The following CALB2 variants were observed in gnomAD, a reference collection of about 807,000 sequenced individuals.
CALB2 encodes calbindin 2.
CALB2 carries 34 observed loss-of-function variants against 45.9 expected under a neutral mutation model. That is an observed-to-expected ratio of 0.74 (90% confidence interval 0.56 to 0.99). The LOEUF (loss-of-function observed/expected upper bound fraction) is 0.99, where lower values mean the gene tolerates loss of function less well. Ranked by LOEUF, CALB2 falls within the 50% of genes least tolerant of loss-of-function variation. The pLI is 0.00. For missense variants in CALB2, 344 were observed against 339.3 expected (o/e 1.01, Z -0.11); for synonymous variants, 142 against 129.6 (o/e 1.10, Z -0.65).
rs760678290 is a variant in CALB2 at position 71,377,653 on chromosome 16, C to T, written c.262-14C>T. Reference sequence around the variant, plus strand: ...CCCTCCATAACGTTAGTGTCGCTCTCTGTATCTTCACAGCTGGCGCAGATC... The same window carrying T: ...CCCTCCATAACGTTAGTGTCGCTCTTTGTATCTTCACAGCTGGCGCAGATC... On this transcript the variant is annotated splice_polypyrimidine_tract_variant and intron_variant, in intron 3 of 10. Transcript: ENST00000302628. 6.2e-7 allele frequency: 1 copy of T among 1,605,184 alleles called. No individual in the cohort carries two copies. The highest frequency in any genetic ancestry group is 8.5e-7 in the Non-Finnish European group (1 of 1,172,192).
intron 1 of CALB2, among the ~76,000 whole-genome samples, chr16:71,363,210 A>G (rs1438303913): frequency 4.6e-5 from 7 of 152,184 alleles, no homozygotes; most frequent in South Asian, 2.1e-4. Flanking sequence ...CTAAATAAAT[A>G]AAGATATAAG....
At position 71,372,153 on chromosome 16, in the gene CALB2, G is replaced by T; in HGVS notation, c.95G>T (p.Gly32Val). The change falls in exon 2 of 11, where the codon GGA becomes GTA. Residue 32 changes from glycine (G) to valine (V), a missense_variant and splice_region_variant. Physicochemically the swap from Gly to Val is moderately radical, Grantham distance 109. Around this residue, in one of 3 missense-constraint regions of CALB2, gnomAD observed 77 missense variants for 80.5 expected, o/e 0.96. Transcript: ENST00000302628. ...TGATTTTTTCTCTCTCTTTTTACAG[G>T]AAATGGGTATATTGAAGGTAAAGAG... is the stretch of plus-strand genomic sequence containing the variant. ...LEIWKHFDAD[G>V]NGYIEGKELE... 1 of 1,603,670 alleles carries T rather than the reference G, an allele frequency of 6.2e-7. No individual in the cohort carries two copies. Among genetic ancestry groups the T allele is most frequent in the Non-Finnish European group, 8.5e-7 (1 of 1,171,356 alleles).
intron 1 of CALB2, among the ~76,000 whole-genome samples, chr16:71,367,584 G>C (rs1013689368): frequency 6.6e-6 from 1 of 152,122 alleles, no homozygotes; most frequent in Non-Finnish European, 1.5e-5. Flanking sequence ...GCCACCTGCC[G>C]ATCTCTCCTG....
chr16:71,377,552 C>T (rs533404802), intron 3 of CALB2, 115 bp from the exon 4 acceptor site: 150 of 681,270 alleles, frequency 2.2e-4, no homozygotes, highest in Admixed American at 2.2e-4. Flanking sequence ...AGGAAGAAAA[C>T]GCAATTCCCA....
At chr16:71,361,484 A>G (rs1303395041) in intron 1 of CALB2, among the ~76,000 whole-genome samples, 3 of 152,220 alleles carry the variant, frequency 2.0e-5, no homozygotes, top group Non-Finnish European at 4.4e-5. Flanking sequence ...GTTTCTTCCC[A>G]ATTCTAAGAG....
intron 1 of CALB2, among the ~76,000 whole-genome samples, chr16:71,367,149 G>C (rs1414365371): frequency 1.3e-5 from 2 of 152,156 alleles, no homozygotes; most frequent in Non-Finnish European, 2.9e-5. Flanking sequence ...GGGAAACTGA[G>C]GCACGGTAGT....
At chr16:71,389,585 ATCTG>A in intron 10 of CALB2, 160 bp from the exon 11 acceptor site, 2 of 755,124 alleles carry the variant, frequency 2.6e-6, no homozygotes, top group Admixed American at 1.7e-5. Context: ...TTTAACCTCC[ATCTG>A]TCTGACTCCA....
At chr16:71,378,213 A>T (rs2042440612) in intron 4 of CALB2, among the ~76,000 whole-genome samples, 1 of 152,068 alleles carries the variant, frequency 6.6e-6, no homozygotes, top group Admixed American at 6.5e-5. Context: ...TGACAGAGAG[A>T]GACTCCGTCT....
chr16:71,359,387 A>G (rs928056278), intron 1 of CALB2, among the ~76,000 whole-genome samples: 2 of 152,162 alleles, frequency 1.3e-5, no homozygotes, highest in African/African-American at 2.4e-5. Flanking sequence ...GGAGTGGAAA[A>G]TGGCATTGGG....
In CALB2 at chr16:71,358,754, G is replaced by C. The variant is rs2042207291; in HGVS notation, c.-39G>C. On this transcript the variant is annotated 5_prime_UTR_variant, in exon 1 of 11. Transcript: ENST00000302628. Reference sequence around the variant, plus strand: ...AGTGCCAGAGCCCAGCCGGCGCGGAGCGGGAGCGGTGCAGGCTGAGGTCTC... The same window carrying C: ...AGTGCCAGAGCCCAGCCGGCGCGGACCGGGAGCGGTGCAGGCTGAGGTCTC... The C allele has an allele frequency of 2.6e-6, 4 of 1,526,958 alleles. No individual in the cohort carries two copies. Among genetic ancestry groups the C allele is most frequent in the Non-Finnish European group, 1.8e-6 (2 of 1,117,670 alleles). The allele number at this position is 1,526,958 out of a possible 1,614,324, so 94.6% of individuals were successfully genotyped here. A position where few individuals can be genotyped will look rare whatever the true frequency, so the allele number is the denominator to read the frequency against.
Position 71,378,739 on chromosome 16 carries a change from G to A in CALB2, c.342+992G>A, listed in dbSNP as rs150453420. Among the ~76,000 whole-genome samples, 356 of 152,288 alleles carry A rather than the reference G, an allele frequency of 2.3e-3. 1 individual carries two copies. The highest frequency in any genetic ancestry group is 8.0e-3 in the African/African-American group (332 of 41,574). On this transcript the variant is annotated intron_variant, in intron 4 of 10. Coordinates refer to ENST00000302628, the MANE Select transcript of CALB2 (RefSeq NM_001740.5). ...ATGTGGGGATTTGTTGTGGTCATTTGCATATCACAGGCTCTGAGAAATCAA... is the reference window on the plus strand; with the variant it reads ...ATGTGGGGATTTGTTGTGGTCATTTACATATCACAGGCTCTGAGAAATCAA...
In CALB2 at chr16:71,384,026, G is replaced by A. The variant is rs746183667; in HGVS notation, c.533+1G>A. ...AATTGGGCCTCTCAGAGATGTCCCGGTAAGCACCTCACCCCCGGGGTCACT... is the reference window on the plus strand; with the variant it reads ...AATTGGGCCTCTCAGAGATGTCCCGATAAGCACCTCACCCCCGGGGTCACT... On this transcript the variant is annotated splice_donor_variant, in intron 7 of 10. Coordinates refer to ENST00000302628, the MANE Select transcript of CALB2 (RefSeq NM_001740.5). LOFTEE classifies it high-confidence loss of function. 1 of 1,613,742 alleles carries A rather than the reference G, an allele frequency of 6.2e-7. No individual in the cohort carries two copies. Among genetic ancestry groups the A allele is most frequent in the South Asian group, 1.1e-5 (1 of 91,078 alleles).
intron 10 of CALB2, 44 bp downstream of exon 10, chr16:71,385,692 A>G (rs4327058): frequency 0.73 from 1,127,135 of 1,551,412 alleles, 411,417 homozygotes; most frequent in Admixed American, 0.87. Flanking sequence ...CCCAGGGCAC[A>G]GGAGAGGCTT....
chr16:71,383,730 C>T (rs1354185468), intron 6 of CALB2, among the ~76,000 whole-genome samples: 3 of 152,152 alleles, frequency 2.0e-5, no homozygotes, highest in African/African-American at 7.2e-5. Flanking sequence ...TGCCGGCCTG[C>T]TGTGCCTCAG....
intron 9 of CALB2, among the ~76,000 whole-genome samples, chr16:71,385,049 C>T (rs1034567731): frequency 2.0e-5 from 3 of 152,196 alleles, no homozygotes; most frequent in East Asian, 1.9e-4. Flanking sequence ...AGAGTGCAGC[C>T]GAGAATCGTT....
chr16:71,382,124 A>AAAGGAAGG (rs2042503008), intron 4 of CALB2, among the ~76,000 whole-genome samples: 1 of 34,372 alleles, frequency 2.9e-5, no homozygotes, highest in Non-Finnish European at 8.4e-5. Flanking sequence ...AAAGGAAGAA[A>AAAGGAAGG]AAGGAAGGAA....
At chr16:71,388,390 T>C (rs1390701168) in intron 10 of CALB2, among the ~76,000 whole-genome samples, 1 of 137,352 alleles carries the variant, frequency 7.3e-6, no homozygotes, top group Non-Finnish European at 1.6e-5. Context: ...AAAAGAGGGA[T>C]AGAGTGGGGG....
At chr16:71,389,626 C>A in intron 10 of CALB2, 123 bp from the exon 11 acceptor site, 1 of 785,718 alleles carries the variant, frequency 1.3e-6, no homozygotes, top group Non-Finnish European at 2.3e-6. Flanking sequence ...TTCATCTAAG[C>A]CACTTATCCT....
Position 71,384,855 on chromosome 16 carries a change from A to G in CALB2, c.627+19A>G. Reference sequence around the variant, plus strand: ...CGACAAGGTAAGAGAGGGAGTTGGCATGGCAGGGAAAATCAGAAGCCCATC... The same window carrying G: ...CGACAAGGTAAGAGAGGGAGTTGGCGTGGCAGGGAAAATCAGAAGCCCATC... On this transcript the variant is annotated intron_variant, in intron 9 of 10. Transcript: ENST00000302628. The G allele has an allele frequency of 6.2e-7, 1 of 1,610,472 alleles. No individual in the cohort carries two copies. Among genetic ancestry groups the G allele is most frequent in the Non-Finnish European group, 8.5e-7 (1 of 1,177,162 alleles).
Sources: allele counts gnomAD v4.1 joint callset (sites outside exome capture counted in the v4.1 genomes callset), GRCh38; gene constraint gnomAD v4.1.1; regional missense constraint gnomAD v4.1.1; transcripts MANE v1.5; gene names NCBI Gene and HGNC (gene_info 2026-07-23, HGNC 2026-07-21).